NCALD: variants seen among roughly 807,000 people sequenced by gnomAD.
NCALD encodes the protein neurocalcin-delta.
In NCALD, 10 loss-of-function variants were observed where a neutral mutation model predicts 18.6. That is an observed-to-expected ratio of 0.54 (90% CI 0.33 to 0.91). The LOEUF is 0.91. Ranked by LOEUF, NCALD falls within the 40% of genes least tolerant of loss-of-function variation. The probability of loss-of-function intolerance (pLI) is 0.03; values close to 1 mark genes in which losing one functional copy is unlikely to be tolerated. For missense variants in NCALD, 184 were observed against 247.6 expected (o/e 0.74, Z 1.72); for synonymous variants, 88 against 87.4 (o/e 1.01, Z -0.04).
At chr8:101,882,194 A>G (rs41355344) in intron 4 of NCALD, among the ~76,000 whole-genome samples, 2,875 of 152,304 alleles carry the variant, frequency 0.019, 80 homozygotes, top group African/African-American at 0.063. Flanking sequence ...CAACATGTCC[A>G]TCATTCCTCC....
At chr8:102,082,224 C>CTTTTTTTTTTTTTTTT (rs1362023921) in intron 1 of NCALD, among the ~76,000 whole-genome samples, 2 of 109,404 alleles carry the variant, frequency 1.8e-5, no homozygotes, top group African/African-American at 7.6e-5. Context: ...GAGAAGCTCT[C>CTTTTTTTTTTTTTTTT]TCTTTTTTTT....
At chr8:101,801,126 AAG>A (rs1459488663) in intron 4 of NCALD, among the ~76,000 whole-genome samples, 7 of 152,130 alleles carry the variant, frequency 4.6e-5, no homozygotes, top group African/African-American at 1.7e-4. Context: ...CAAAGAAAGA[AAG>A]AGTATAGCTA....
chr8:101,821,241 G>A (rs1002518326), intron 4 of NCALD, among the ~76,000 whole-genome samples: 1 of 152,148 alleles, frequency 6.6e-6, no homozygotes, highest in Non-Finnish European at 1.5e-5. Context: ...CATGAGTAGT[G>A]ATCAAATTGA....
At chr8:101,980,797 A>G (rs763634099) in intron 2 of NCALD, among the ~76,000 whole-genome samples, 4 of 152,232 alleles carry the variant, frequency 2.6e-5, no homozygotes, top group Non-Finnish European at 5.9e-5. Context: ...CACTGGCGGT[A>G]TTCATGTACC....
At chr8:102,004,377 A>G (rs1167497233) in intron 2 of NCALD, among the ~76,000 whole-genome samples, 1 of 152,054 alleles carries the variant, frequency 6.6e-6, no homozygotes, top group Non-Finnish European at 1.5e-5. Context: ...AGGAAATAAA[A>G]GAGGATACAA....
chr8:101,763,952 T>TTCTCTCTC (rs149384386), intron 1 of NCALD, among the ~76,000 whole-genome samples: 53 of 122,132 alleles, frequency 4.3e-4, no homozygotes, highest in African/African-American at 9.8e-4. Context: ...TATGACAAAT[T>TTCTCTCTC]TCTCTCTCTC....
chr8:101,779,742 T>C (rs987608303), intron 1 of NCALD, among the ~76,000 whole-genome samples: 14 of 152,196 alleles, frequency 9.2e-5, no homozygotes, highest in African/African-American at 3.4e-4. Context: ...ACCAAGGGTA[T>C]TTTTGTTTGA....
At chr8:101,714,324 C>T (rs991086443) in intron 2 of NCALD, among the ~76,000 whole-genome samples, 3 of 152,170 alleles carry the variant, frequency 2.0e-5, no homozygotes, top group Non-Finnish European at 4.4e-5. Context: ...GTGCAAAAAT[C>T]ACAAGCTTTC....
chr8:101,804,405 TC>T (rs1812995440), intron 4 of NCALD, among the ~76,000 whole-genome samples: 3 of 135,394 alleles, frequency 2.2e-5, no homozygotes, highest in African/African-American at 8.3e-5. Context: ...TATATATATT[TC>T]TAAATATATA....
chr8:102,050,044 C>A (rs1823381790), intron 1 of NCALD, among the ~76,000 whole-genome samples: 1 of 149,738 alleles, frequency 6.7e-6, no homozygotes, highest in African/African-American at 2.5e-5. Flanking sequence ...CGCCTGTAGT[C>A]CCAGCTGCTC....
rs936052770 is a variant in NCALD, at chr8:101,689,100, G to A, written c.*209C>T. Reference sequence around the variant, plus strand: ...AATGAACACCACGAAGTCTGTCCATGCTCTCCACAAGCACACTGGGGCTCT... The same window carrying A: ...AATGAACACCACGAAGTCTGTCCATACTCTCCACAAGCACACTGGGGCTCT... On this transcript the variant is annotated 3_prime_UTR_variant, in exon 4 of 4. Transcript: ENST00000220931. The surrounding 1 kb of genome is among the most constrained non-coding windows in gnomAD (Gnocchi z 4.4). 1.4e-6 allele frequency: 1 copy of A among 703,852 alleles called. No individual in the cohort carries two copies. The highest frequency in any genetic ancestry group is 2.0e-5 in the Admixed American group (1 of 50,010). The allele number at this position is 703,852 out of a possible 1,614,324, so 43.6% of individuals were successfully genotyped here.
At chr8:101,998,777 C>A (rs967043601) in intron 2 of NCALD, among the ~76,000 whole-genome samples, 1 of 152,086 alleles carries the variant, frequency 6.6e-6, no homozygotes, top group Non-Finnish European at 1.5e-5. Flanking sequence ...TCATTCAAAC[C>A]CTCGGAGGCA....
chr8:101,957,786 A>AT (rs1418965630), intron 2 of NCALD, among the ~76,000 whole-genome samples: 18 of 152,180 alleles, frequency 1.2e-4, no homozygotes, highest in Non-Finnish European at 2.5e-4. Context: ...GGTGTGAGAC[A>AT]TGTAATGCAG....
chr8:102,098,337 GC>G (rs1267413089), intron 1 of NCALD, among the ~76,000 whole-genome samples: 4 of 152,232 alleles, frequency 2.6e-5, no homozygotes, highest in Non-Finnish European at 5.9e-5. Context: ...TCCTCACCAG[GC>G]CCCAGTTTGA....
At chr8:101,815,508 C>G (rs1216342348) in intron 4 of NCALD, among the ~76,000 whole-genome samples, 2 of 152,070 alleles carry the variant, frequency 1.3e-5, no homozygotes, top group African/African-American at 4.8e-5. Context: ...TAACAGATAT[C>G]TCACCAAACA....
intron 4 of NCALD, among the ~76,000 whole-genome samples, chr8:101,801,552 A>G (rs183852975): frequency 1.2e-3 from 187 of 152,052 alleles, no homozygotes; most frequent in African/African-American, 4.4e-3. Flanking sequence ...TTAGAAAGAC[A>G]AATAGAAAAT....
At chr8:101,994,215 G>A (rs1821154028) in intron 2 of NCALD, among the ~76,000 whole-genome samples, 2 of 152,162 alleles carry the variant, frequency 1.3e-5, no homozygotes, top group Non-Finnish European at 2.9e-5. Flanking sequence ...ACCATTCAGA[G>A]CCAAGGGAGG....
chr8:102,103,458 G>A (rs1825352192), intron 1 of NCALD, among the ~76,000 whole-genome samples: 1 of 152,134 alleles, frequency 6.6e-6, no homozygotes, highest in Admixed American at 6.5e-5. Flanking sequence ...TAAGTAACTT[G>A]CCCATAGTGA....
chr8:101,958,270 C>T (rs560514332), intron 2 of NCALD, among the ~76,000 whole-genome samples: 134 of 152,258 alleles, frequency 8.8e-4, no homozygotes, highest in Middle Eastern at 6.8e-3. Flanking sequence ...CACACAATTA[C>T]ATCTAGTTGG....
Sources: allele counts gnomAD v4.1 joint callset (sites outside exome capture counted in the v4.1 genomes callset), GRCh38; gene constraint gnomAD v4.1.1; non-coding constraint Gnocchi (gnomAD v3.1); transcripts MANE v1.5; gene names NCBI Gene and HGNC (gene_info 2026-07-23, HGNC 2026-07-21).